Variants in GMEB1 observed in about 807,000 individuals in gnomAD.
The protein encoded by GMEB1 is glucocorticoid modulatory element-binding protein 1.
In GMEB1, 6 loss-of-function variants were observed where a neutral mutation model predicts 52.4. That is an observed-to-expected ratio of 0.11 (90% CI 0.06 to 0.23). The LOEUF (loss-of-function observed/expected upper bound fraction) is 0.23, where lower values mean the gene tolerates loss of function less well. GMEB1 is among the 10% of genes least tolerant of loss of function. The probability of loss-of-function intolerance (pLI) is 1.00; values close to 1 mark genes in which losing one functional copy is unlikely to be tolerated. For missense variants in GMEB1, 486 were observed against 685.6 expected, an observed-to-expected ratio of 0.71 and a Z score of 3.25; for synonymous variants, 255 against 244.9, an observed-to-expected ratio of 1.04 and a Z score of -0.38.
rs1669502172 is a variant in GMEB1 at position 28,683,718 on chromosome 1, C to G, written c.106C>G (p.Gln36Glu). The G allele has an allele frequency of 6.2e-7, 1 of 1,611,404 alleles. No homozygotes were observed. The highest frequency in any genetic ancestry group is 8.5e-7 in the Non-Finnish European group (1 of 1,178,970). Reference sequence around the variant, plus strand: ...AGACACTAAAACCCAAGTGATTTTGCAGTTACAGCCTGTGCAACAAGGGTA... The same window carrying G: ...AGACACTAAAACCCAAGTGATTTTGGAGTTACAGCCTGTGCAACAAGGGTA... ...PEDTKTQVIL[Q>E]LQPVQQGIYE... Residue 36 changes from glutamine (Q) to glutamate (E), a missense_variant, in exon 2 of 10, where the codon CAG becomes GAG. Gln to Glu is a conservative substitution (Grantham distance 29, BLOSUM62 2). Around this residue, in one of 5 missense-constraint regions of GMEB1, gnomAD observed 88 missense variants for 96.5 expected, o/e 0.91. Coordinates refer to ENST00000373816, the MANE Select transcript of GMEB1 (RefSeq NM_001319674.2).
intron 8 of GMEB1, among the ~76,000 whole-genome samples, chr1:28,706,659 C>CTTAT (rs546303576): frequency 1.9e-3 from 278 of 149,726 alleles, no homozygotes; most frequent in African/African-American, 5.1e-3. Context: ...TCAGTGAATT[C>CTTAT]TTATTTATTT....
chr1:28,696,878 C>T (rs754619013), intron 5 of GMEB1, 49 bp from the exon 6 acceptor site: 6 of 1,459,544 alleles, frequency 4.1e-6, no homozygotes, highest in Admixed American at 1.8e-5. Flanking sequence ...CTAGTTCCCA[C>T]TAGATGAAGT....
chr1:28,697,841 C>T (rs1670297122), intron 6 of GMEB1, among the ~76,000 whole-genome samples: 1 of 151,982 alleles, frequency 6.6e-6, no homozygotes, highest in Non-Finnish European at 1.5e-5. Flanking sequence ...GGAGGCAGAT[C>T]ATGAAGTCAA....
chr1:28,704,411 C>T, intron 8 of GMEB1, 82 bp downstream of exon 8: 1 of 1,083,076 alleles, frequency 9.2e-7, no homozygotes, highest in Non-Finnish European at 1.3e-6. Flanking sequence ...TTGCAAAAAC[C>T]CTGATGTATA....
rs2124481007 is a variant in GMEB1, at chr1:28,683,435, G to A, written c.-30-148G>A. The A allele has an allele frequency of 2.3e-5, 13 of 574,400 alleles. No individual in the cohort carries two copies. The South Asian group carries it at 2.8e-4, about 13-fold the overall frequency. The allele number at this position is 574,400 out of a possible 1,614,324, so 35.6% of individuals were successfully genotyped here. A position where few individuals can be genotyped will look rare whatever the true frequency, so the allele number is the denominator to read the frequency against. On this transcript the variant is annotated intron_variant, in intron 1 of 9. Transcript: ENST00000373816. Reference sequence around the variant, plus strand: ...GAGACAGATTTCTCCATGTTGGTCAGGCTGGTCTTGAACTCCCAACCTCAG... The same window carrying A: ...GAGACAGATTTCTCCATGTTGGTCAAGCTGGTCTTGAACTCCCAACCTCAG...
intron 6 of GMEB1, among the ~76,000 whole-genome samples, chr1:28,700,513 CAAAAAAAAAAA>C (rs35332797): frequency 2.4e-5 from 2 of 82,464 alleles, no homozygotes; most frequent in African/African-American, 9.5e-5. Flanking sequence ...GACTCCATCT[CAAAAAAAAAAA>C]AAAAAAAAAA....
intron 8 of GMEB1, among the ~76,000 whole-genome samples, chr1:28,705,054 G>T: frequency 6.9e-6 from 1 of 145,754 alleles, no homozygotes. Flanking sequence ...CTCTACTCCA[G>T]CCTGGGTGAC....
rs182859606 is a variant in GMEB1, at chr1:28,681,813, C to T, written c.-30-1770C>T. Among the ~76,000 whole-genome samples, 4 of 152,162 alleles carry T rather than the reference C, an allele frequency of 2.6e-5. No individual in the cohort carries two copies. In the East Asian group the frequency reaches 7.7e-4, roughly 29 times the overall value. ...CACCTCCTGGGTTCAAGCGATTCTC[C>T]TGCCTCAGCCTCTCAAGTAGCTCAG... On this transcript the variant is annotated intron_variant, in intron 1 of 9. Coordinates refer to ENST00000373816, the MANE Select transcript of GMEB1 (RefSeq NM_001319674.2).
At chr1:28,690,313 A>G (rs1180099644) in intron 3 of GMEB1, 127 bp downstream of exon 3, 1 of 562,526 alleles carries the variant, frequency 1.8e-6, no homozygotes, top group African/African-American at 2.0e-5. Flanking sequence ...TGTGTGCCCT[A>G]CCAGTACTAC....
At chr1:28,713,644 G>A (rs1432075836) in intron 9 of GMEB1, among the ~76,000 whole-genome samples, 1 of 152,216 alleles carries the variant, frequency 6.6e-6, no homozygotes, top group East Asian at 1.9e-4. Context: ...CAGCAAAGGA[G>A]TTTTCCAGCC....
At chr1:28,711,286 C>CAA (rs372935027) in intron 9 of GMEB1, among the ~76,000 whole-genome samples, 4 of 82,742 alleles carry the variant, frequency 4.8e-5, no homozygotes, top group Non-Finnish European at 7.4e-5. Flanking sequence ...GACTCTGTCT[C>CAA]AAAAAAAAAA....
At chr1:28,708,110 G>C (rs1277524087) in intron 8 of GMEB1, among the ~76,000 whole-genome samples, 1 of 152,058 alleles carries the variant, frequency 6.6e-6, no homozygotes, top group Non-Finnish European at 1.5e-5. Flanking sequence ...TATTGCGCAG[G>C]CTGGTCTCAA....
chr1:28,710,275 G>T (rs554887387), intron 8 of GMEB1, among the ~76,000 whole-genome samples: 1 of 152,308 alleles, frequency 6.6e-6, no homozygotes, highest in Non-Finnish European at 1.5e-5. Context: ...AAAGTGTTGG[G>T]ATTACAGGCA....
intron 2 of GMEB1, among the ~76,000 whole-genome samples, chr1:28,684,199 A>C (rs868638563): frequency 2.0e-5 from 3 of 151,538 alleles, no homozygotes; most frequent in East Asian, 1.9e-4. Context: ...TTCTTTTTTT[A>C]TTTTCATAAC....
At chr1:28,697,878 G>A (rs921898568) in intron 6 of GMEB1, among the ~76,000 whole-genome samples, 7 of 152,220 alleles carry the variant, frequency 4.6e-5, no homozygotes, top group East Asian at 1.9e-4. Context: ...GGTGGCTCAC[G>A]CCTGTAATCC....
Position 28,668,816 on chromosome 1 carries a change from C to A in GMEB1, c.-54C>A, listed in dbSNP as rs1377965530. ...GTCGCCTGCCCGCCCTGGCCGCTCG[C>A]CGCCCGCCCGCCCGACGGAGACGGT... On this transcript the variant is annotated 5_prime_UTR_variant, in exon 1 of 10. Coordinates refer to ENST00000373816, the MANE Select transcript of GMEB1 (RefSeq NM_001319674.2). 1 of 147,424 alleles carries A rather than the reference C, an allele frequency of 6.8e-6. No individual in the cohort carries two copies. The highest frequency in any genetic ancestry group is 6.7e-5 in the Admixed American group (1 of 14,932). 9.1% of individuals were successfully genotyped at this position (147,424 alleles called of 1,614,324 possible). A position where few individuals can be genotyped will look rare whatever the true frequency, so the allele number is the denominator to read the frequency against.
At position 28,690,201 on chromosome 1, in the gene GMEB1, G is replaced by GGGT; in HGVS notation, c.211+15_211+16insGGT. ...AGAAGGGATTGGTAAGGGTTTTTTT[G>GGGT]TGTTTTTTTTTTTTTTTTTTTTTGT... On this transcript the variant is annotated intron_variant, in intron 3 of 9. Coordinates refer to ENST00000373816, the MANE Select transcript of GMEB1 (RefSeq NM_001319674.2). 1.7e-6 allele frequency: 1 copy of GGGT among 582,840 alleles called. No homozygotes were observed. Among genetic ancestry groups the GGGT allele is most frequent in the Non-Finnish European group, 2.6e-6 (1 of 390,802 alleles). 36.1% of individuals were successfully genotyped at this position (582,840 alleles called of 1,614,324 possible). A position where few individuals can be genotyped will look rare whatever the true frequency, so the allele number is the denominator to read the frequency against.
intron 1 of GMEB1, among the ~76,000 whole-genome samples, chr1:28,674,157 A>G (rs1669032145): frequency 6.6e-6 from 1 of 151,594 alleles, no homozygotes; most frequent in African/African-American, 2.4e-5. Context: ...CTGAAAAAAA[A>G]AAAAAAAGTT....
intron 8 of GMEB1, among the ~76,000 whole-genome samples, chr1:28,709,019 A>G (rs1216509631): frequency 6.6e-6 from 1 of 151,876 alleles, no homozygotes; most frequent in Non-Finnish European, 1.5e-5. Flanking sequence ...CTGTAATCCC[A>G]GCTACTGAGG....
Sources: allele counts gnomAD v4.1 joint callset (sites outside exome capture counted in the v4.1 genomes callset), GRCh38; gene constraint gnomAD v4.1.1; regional missense constraint gnomAD v4.1.1; transcripts MANE v1.5; gene names NCBI Gene and HGNC (gene_info 2026-07-23, HGNC 2026-07-21).